GAN: variants seen among roughly 807,000 people sequenced by gnomAD.
The protein encoded by GAN is epididymis secretory sperm binding protein.
GAN carries 48 observed loss-of-function variants against 71.3 expected under a neutral mutation model. That is an observed-to-expected ratio of 0.67 (90% CI 0.53 to 0.86). The LOEUF (loss-of-function observed/expected upper bound fraction) is 0.86, where lower values mean the gene tolerates loss of function less well. Among genes scored for constraint, GAN ranks in the 40% least tolerant of loss-of-function variants. The pLI, the probability that GAN is intolerant of heterozygous loss-of-function variation, is 0.00. For synonymous variants in GAN, 386 were observed against 276.8 expected (o/e 1.39, Z -3.92); for missense variants, 928 against 770.1 (o/e 1.21, Z -2.43).
chr16:81,360,383 C>T (rs1910635254), intron 5 of GAN, among the ~76,000 whole-genome samples: 1 of 152,156 alleles, frequency 6.6e-6, no homozygotes, highest in African/African-American at 2.4e-5. Flanking sequence ...TGAAGTCATT[C>T]CACTGACTTC....
At chr16:81,346,820 G>A (rs1910133986) in intron 1 of GAN, among the ~76,000 whole-genome samples, 1 of 152,176 alleles carries the variant, frequency 6.6e-6, no homozygotes, top group Non-Finnish European at 1.5e-5. Flanking sequence ...CCTGGCAGGA[G>A]GCAGGTCTCT....
intron 9 of GAN, among the ~76,000 whole-genome samples, chr16:81,375,516 A>G (rs911695061): frequency 6.6e-6 from 1 of 151,896 alleles, no homozygotes. Context: ...TTGTAAAGAC[A>G]AGGTTTCGCC....
Position 81,382,481 on chromosome 16 carries a change from G to T in GAN, c.*4885G>T, listed in dbSNP as rs1904310429. 6.6e-6 allele frequency: 1 copy of T among 152,036 alleles called. No individual in the cohort carries two copies. The highest frequency in any genetic ancestry group is 1.5e-5 in the Non-Finnish European group (1 of 67,994). The allele number at this position is 152,036 out of a possible 1,614,324, so 9.4% of individuals were successfully genotyped here. On this transcript the variant is annotated 3_prime_UTR_variant, in exon 11 of 11. Coordinates refer to ENST00000648994, the MANE Select transcript of GAN (RefSeq NM_022041.4). Reference sequence around the variant, plus strand: ...AGAAAGTTTCTTTGAAAGAGAAACTGTTTTTTTATTTCAAAGAGCTTCATG... The same window carrying T: ...AGAAAGTTTCTTTGAAAGAGAAACTTTTTTTTTATTTCAAAGAGCTTCATG...
At chr16:81,371,880 T>C (rs1478445592) in intron 9 of GAN, 1 of 152,224 alleles carries the variant, frequency 6.6e-6, no homozygotes, top group African/African-American at 2.4e-5. Context: ...CTGCTTTTCT[T>C]CAGTTTCCAG....
intron 1 of GAN, among the ~76,000 whole-genome samples, chr16:81,341,940 T>C (rs1289036539): frequency 1.3e-5 from 2 of 152,110 alleles, no homozygotes; most frequent in Non-Finnish European, 2.9e-5. Context: ...TGGAGGAAGA[T>C]CTACCAAGCA....
intron 1 of GAN, among the ~76,000 whole-genome samples, chr16:81,338,486 G>A (rs1909839148): frequency 6.6e-6 from 1 of 152,102 alleles, no homozygotes; most frequent in South Asian, 2.1e-4. Flanking sequence ...TCAGTTATAT[G>A]TGGCAGAGAT....
intron 1 of GAN, among the ~76,000 whole-genome samples, chr16:81,319,139 A>C (rs968364578): frequency 6.6e-6 from 1 of 151,382 alleles, no homozygotes; most frequent in African/African-American, 2.4e-5. Context: ...TATGACTGCC[A>C]CTGCACTGCA....
At chr16:81,319,253 C>A (rs750503401) in intron 1 of GAN, among the ~76,000 whole-genome samples, 4 of 146,000 alleles carry the variant, frequency 2.7e-5, no homozygotes, top group African/African-American at 1.0e-4. Context: ...AATGGCAAAA[C>A]CGAATTCATA....
intron 7 of GAN, among the ~76,000 whole-genome samples, chr16:81,364,145 C>A (rs561560799): frequency 2.0e-5 from 3 of 152,320 alleles, no homozygotes; most frequent in African/African-American, 7.2e-5. Context: ...GAGAGTTTAT[C>A]CTGCTTGTGG....
chr16:81,338,129 A>C (rs1567484567), intron 1 of GAN, among the ~76,000 whole-genome samples: 1 of 152,348 alleles, frequency 6.6e-6, no homozygotes, highest in East Asian at 1.9e-4. Context: ...ACAATGTGAC[A>C]TGCATAGTAT....
chr16:81,363,095 T>C (rs1277977238), intron 6 of GAN, among the ~76,000 whole-genome samples: 1 of 152,254 alleles, frequency 6.6e-6, no homozygotes, highest in African/African-American at 2.4e-5. Flanking sequence ...TAAATATTCA[T>C]TGACAAACGG....
At chr16:81,320,118 G>A (rs1258556313) in intron 1 of GAN, among the ~76,000 whole-genome samples, 1 of 152,080 alleles carries the variant, frequency 6.6e-6, no homozygotes, top group Non-Finnish European at 1.5e-5. Context: ...ATGTTCCAAG[G>A]CCTAATTATT....
At chr16:81,353,808 T>C (rs773711905) in intron 2 of GAN, among the ~76,000 whole-genome samples, 31 of 152,044 alleles carry the variant, frequency 2.0e-4, no homozygotes, top group Non-Finnish European at 3.7e-4. Flanking sequence ...AAAACACCCT[T>C]GTATTAGGGA....
Position 81,376,526 on chromosome 16 carries a change from C to CAT in GAN, c.1503-688_1503-687dup, listed in dbSNP as rs1034843734. ...GTGTGTGTGTATGTGTGTGTGTATACATATATGTGTATATGTATATACACA... is the reference window on the plus strand; with the variant it reads ...GTGTGTGTGTATGTGTGTGTGTATACATATATATGTGTATATGTATATACACA... On this transcript the variant is annotated intron_variant, in intron 9 of 10. Transcript: ENST00000648994. Among the ~76,000 whole-genome samples, 209 of 108,508 alleles carry CAT rather than the reference C, an allele frequency of 1.9e-3. No homozygotes were observed. The Middle Eastern group carries it at 0.033, about 17-fold the overall frequency. The allele number at this position is 108,508 out of a possible 152,430, so 71.2% of individuals were successfully genotyped here.
intron 1 of GAN, among the ~76,000 whole-genome samples, chr16:81,343,197 A>G (rs918592373): frequency 6.6e-6 from 1 of 151,808 alleles, no homozygotes; most frequent in African/African-American, 2.4e-5. Flanking sequence ...TTCTATAAAG[A>G]GGAGCTGGTA....
intron 2 of GAN, among the ~76,000 whole-genome samples, chr16:81,353,082 G>A (rs1470326118): frequency 6.6e-6 from 1 of 152,148 alleles, no homozygotes; most frequent in Non-Finnish European, 1.5e-5. Flanking sequence ...ACGAGGTCAG[G>A]AGATCGAGAC....
chr16:81,365,251 G>A (rs1170772687), intron 8 of GAN, 99 bp from the exon 9 acceptor site: 28 of 1,567,788 alleles, frequency 1.8e-5, no homozygotes, highest in African/African-American at 1.5e-4. Flanking sequence ...GAAGGCCCAC[G>A]TAGTAATGCT....
At chr16:81,358,410 C>G (rs928689164) in intron 5 of GAN, among the ~76,000 whole-genome samples, 2 of 152,046 alleles carry the variant, frequency 1.3e-5, no homozygotes, top group African/African-American at 4.8e-5. Flanking sequence ...AGTTCAAGAC[C>G]AGCCTGGACA....
intron 6 of GAN, among the ~76,000 whole-genome samples, chr16:81,363,013 G>A (rs1288630458): frequency 6.6e-6 from 1 of 152,224 alleles, no homozygotes; most frequent in Non-Finnish European, 1.5e-5. Flanking sequence ...TGATGGCAGA[G>A]AATTACATGT....
Sources: gnomAD v4.1 joint callset for allele counts (sites outside exome capture counted in the v4.1 genomes callset) on GRCh38, gnomAD v4.1.1 for gene constraint, MANE v1.5 for transcripts, NCBI Gene and HGNC (gene_info 2026-07-23, HGNC 2026-07-21) for gene names.